Variants in SERINC5 observed in about 807,000 individuals in gnomAD.
The protein encoded by SERINC5 is chromosome 5 open reading frame 12.
A neutral mutation model predicts 63.1 loss-of-function variants in SERINC5; 41 were observed. That is an observed-to-expected ratio of 0.65 (90% CI 0.51 to 0.84). SERINC5 has a LOEUF of 0.84. Among genes scored for constraint, SERINC5 ranks in the 40% least tolerant of loss-of-function variants. The pLI, the probability that SERINC5 is intolerant of heterozygous loss-of-function variation, is 0.00. For missense variants in SERINC5, 523 were observed against 573.0 expected (o/e 0.91, Z 0.89); for synonymous variants, 222 against 215.2 (o/e 1.03, Z -0.28).
downstream of SERINC5, among the ~76,000 whole-genome samples, chr5:80,136,286 A>C (rs997394867): frequency 2.5e-5 from 2 of 81,280 alleles, no homozygotes; most frequent in African/African-American, 1.1e-4. Context: ...CAAAAAAACA[A>C]AAAAAAATGC....
At chr5:80,173,159 A>G (rs1313661056) in intron 5 of SERINC5, among the ~76,000 whole-genome samples, 2 of 151,976 alleles carry the variant, frequency 1.3e-5, no homozygotes, top group Non-Finnish European at 2.9e-5. Context: ...AGGAAAGGAA[A>G]GAAAGGAAAG....
At chr5:80,240,182 C>CA (rs1034110196) in intron 1 of SERINC5, among the ~76,000 whole-genome samples, 5 of 152,130 alleles carry the variant, frequency 3.3e-5, no homozygotes, top group African/African-American at 1.2e-4. Context: ...TGGTAATACA[C>CA]AAAAAATGCA....
At chr5:80,159,341 C>A (rs1040851172) in intron 7 of SERINC5, among the ~76,000 whole-genome samples, 1 of 152,042 alleles carries the variant, frequency 6.6e-6, no homozygotes, top group African/African-American at 2.4e-5. Context: ...CAACAGCCAA[C>A]AATAGCTCCT....
In SERINC5 at chr5:80,198,084, C is replaced by T. The variant is rs373353833; in HGVS notation, c.195+4802G>A. 9.2e-5 allele frequency among the ~76,000 whole-genome samples: 14 copies of T among 152,122 alleles called. No homozygotes were observed. The East Asian group carries it at 9.7e-4, about 11-fold the overall frequency. On this transcript the variant is annotated intron_variant, in intron 2 of 11. Coordinates refer to ENST00000507668, the MANE Select transcript of SERINC5 (RefSeq NM_001174072.3). ...GGATCTCTTGACCTTGTGATCCGCC[C>T]GCCTCAGCCTCCCAAAGTGCTGACA...
chr5:80,228,408 G>A (rs145919641), intron 1 of SERINC5, among the ~76,000 whole-genome samples: 61 of 152,176 alleles, frequency 4.0e-4, no homozygotes, highest in Non-Finnish European at 2.5e-4. Context: ...TATAAAATTT[G>A]AATCACAATC....
At chr5:80,223,222 CT>C (rs1750992810) in intron 1 of SERINC5, among the ~76,000 whole-genome samples, 1 of 152,182 alleles carries the variant, frequency 6.6e-6, no homozygotes, top group South Asian at 2.1e-4. Context: ...CCCTCAGTAT[CT>C]GCGAGGGACT....
At chr5:80,177,499 A>G (rs1165196741) in intron 3 of SERINC5, 102 bp from the exon 4 acceptor site, 16 of 910,542 alleles carry the variant, frequency 1.8e-5, no homozygotes, top group Non-Finnish European at 2.8e-5. Flanking sequence ...TGATTCTGCC[A>G]TTGGCCAATG....
chr5:80,146,690 A>AG (rs1200683112), intron 10 of SERINC5, among the ~76,000 whole-genome samples: 1 of 152,182 alleles, frequency 6.6e-6, no homozygotes, highest in African/African-American at 2.4e-5. Flanking sequence ...TCCTGACCTC[A>AG]GGTGATCCAC....
intron 1 of SERINC5, among the ~76,000 whole-genome samples, chr5:80,240,422 T>TTTA (rs768702672): frequency 6.6e-6 from 1 of 152,232 alleles, no homozygotes; most frequent in Non-Finnish European, 1.5e-5. Flanking sequence ...CTATATCATT[T>TTTA]TTATTCAGTT....
At chr5:80,251,523 A>C (rs539673008) in intron 1 of SERINC5, among the ~76,000 whole-genome samples, 1 of 152,114 alleles carries the variant, frequency 6.6e-6, no homozygotes, top group South Asian at 2.1e-4. Context: ...TGAGGTCAGG[A>C]GTTCGAGACC....
At chr5:80,198,770 C>CACAA in intron 2 of SERINC5, 2 of 931,036 alleles carry the variant, frequency 2.1e-6, no homozygotes, top group South Asian at 5.0e-5. Flanking sequence ...GCCAGATGGC[C>CACAA]AGCTCCCTTG....
At chr5:80,188,814 A>G (rs1749000024) in intron 2 of SERINC5, among the ~76,000 whole-genome samples, 1 of 152,088 alleles carries the variant, frequency 6.6e-6, no homozygotes, top group Non-Finnish European at 1.5e-5. Context: ...CTTGAGCCCA[A>G]GAGTTTAGGA....
intron 1 of SERINC5, chr5:80,255,291 C>G (rs1293267577): frequency 6.5e-6 from 1 of 154,036 alleles, no homozygotes; most frequent in East Asian, 1.9e-4. Flanking sequence ...GGCAGTCGTG[C>G]TAGTACCGAG....
intron 1 of SERINC5, 84 bp from the exon 2 acceptor site, chr5:80,203,137 T>C: frequency 2.2e-6 from 3 of 1,342,392 alleles, no homozygotes; most frequent in Non-Finnish European, 3.1e-6. Context: ...GGTACACATC[T>C]GGAGTCCCTG....
chr5:80,248,941 T>C (rs1222386550), intron 1 of SERINC5, among the ~76,000 whole-genome samples: 1 of 152,244 alleles, frequency 6.6e-6, no homozygotes, highest in Admixed American at 6.5e-5. Context: ...TTTTGTCCTT[T>C]TGGGAATAGA....
chr5:80,196,251 G>T (rs1276247803), intron 2 of SERINC5, among the ~76,000 whole-genome samples: 1 of 152,132 alleles, frequency 6.6e-6, no homozygotes, highest in African/African-American at 2.4e-5. Context: ...CTGCCCCAGG[G>T]GAAAGCAAGC....
chr5:80,200,368 C>T (rs1749754053), intron 2 of SERINC5, among the ~76,000 whole-genome samples: 2 of 151,376 alleles, frequency 1.3e-5, no homozygotes, highest in African/African-American at 4.9e-5. Flanking sequence ...CGCCTGTAGT[C>T]CCAGCTACTC....
chr5:80,206,837 CAG>C (rs1421324210), intron 1 of SERINC5, among the ~76,000 whole-genome samples: 2 of 113,492 alleles, frequency 1.8e-5, no homozygotes, highest in African/African-American at 3.2e-5. Flanking sequence ...TTTTAAGAGA[CAG>C]AGTTTCATTG....
intron 2 of SERINC5, among the ~76,000 whole-genome samples, chr5:80,178,830 T>C (rs1265599378): frequency 6.6e-6 from 1 of 152,054 alleles, no homozygotes; most frequent in Non-Finnish European, 1.5e-5. Flanking sequence ...AGTATTTGTA[T>C]TAATTCACAT....
Sources: gnomAD v4.1 joint callset for allele counts (sites outside exome capture counted in the v4.1 genomes callset) on GRCh38, gnomAD v4.1.1 for gene constraint, MANE v1.5 for transcripts, NCBI Gene and HGNC (gene_info 2026-07-23, HGNC 2026-07-21) for gene names.